Variants in DDI2 observed in about 807,000 individuals in gnomAD.
DDI2 encodes DDI proteasomal shuttling factor 2.
A neutral mutation model predicts 48.1 loss-of-function variants in DDI2; 5 were observed. The ratio of observed to expected loss-of-function variants is 0.10; its 90% CI spans 0.05 to 0.22. The LOEUF (loss-of-function observed/expected upper bound fraction) is 0.22, where lower values mean the gene tolerates loss of function less well. Ranked by LOEUF, DDI2 falls within the 10% of genes least tolerant of loss-of-function variation. The pLI, the probability that DDI2 is intolerant of heterozygous loss-of-function variation, is 1.00. For synonymous variants in DDI2, 205 were observed against 183.6 expected (o/e 1.12, Z -0.94); for missense variants, 285 against 506.2 (o/e 0.56, Z 4.19).
intron 1 of DDI2, among the ~76,000 whole-genome samples, chr1:15,624,421 G>C (rs1639720375): frequency 6.6e-6 from 1 of 152,096 alleles, no homozygotes; most frequent in African/African-American, 2.4e-5. Context: ...TGAATGGGAT[G>C]ATGGGAGTGA....
Position 15,667,570 on chromosome 1 carries a change from G to A in DDI2, c.*7780G>A, listed in dbSNP as rs958058557. On this transcript the variant is annotated 3_prime_UTR_variant, in exon 10 of 10. Coordinates refer to ENST00000480945, the MANE Select transcript of DDI2 (RefSeq NM_032341.5). The stretch of plus-strand genomic sequence containing the variant: ...GCAGCTGGGTGCAACTTGTGAAAAC[G>A]GGAATCTAGAGCAGAACATGTAATC... 4 of 152,236 alleles carry A rather than the reference G, an allele frequency of 2.6e-5. No individual in the cohort carries two copies. The highest frequency in any genetic ancestry group is 7.2e-5 in the African/African-American group (3 of 41,446). 9.4% of individuals were successfully genotyped at this position (152,236 alleles called of 1,614,324 possible). A position where few individuals can be genotyped will look rare whatever the true frequency, so the allele number is the denominator to read the frequency against.
chr1:15,655,387 G>A (rs2103480043), intron 8 of DDI2, among the ~76,000 whole-genome samples: 1 of 152,160 alleles, frequency 6.6e-6, no homozygotes, highest in South Asian at 2.1e-4. Context: ...GGGAGGCTGA[G>A]GTGGGGAGAT....
At chr1:15,633,964 C>T in intron 4 of DDI2, 1 of 374,320 alleles carries the variant, frequency 2.7e-6, no homozygotes, top group Non-Finnish European at 5.2e-6. Context: ...TGATTAAATC[C>T]AGGGCTTAAA....
intron 6 of DDI2, among the ~76,000 whole-genome samples, chr1:15,646,680 T>G (rs948477353): frequency 6.6e-6 from 1 of 151,498 alleles, no homozygotes; most frequent in African/African-American, 2.4e-5. Context: ...AGAGTGAAAC[T>G]CCATCTCTAA....
chr1:15,633,687 T>G, intron 4 of DDI2, 122 bp downstream of exon 4: 1 of 1,439,902 alleles, frequency 6.9e-7, no homozygotes, highest in South Asian at 1.2e-5. Context: ...GTTGAGATAG[T>G]AACCTCAGTC....
intron 8 of DDI2, among the ~76,000 whole-genome samples, chr1:15,655,412 G>A (rs1640255690): frequency 6.6e-6 from 1 of 150,620 alleles, no homozygotes; most frequent in African/African-American, 2.4e-5. Flanking sequence ...TGAACCTATG[G>A]ATTTGAGACC....
In DDI2 at chr1:15,660,225, G is replaced by A; in HGVS notation, c.*435G>A. On this transcript the variant is annotated 3_prime_UTR_variant, in exon 10 of 10. Transcript: ENST00000480945. ...AGAAATCTGCTGAAAGAAGCACCCA[G>A]GGCCTCAAATTTCATCTCCATACAA... 1 of 1,614,160 alleles carries A rather than the reference G, an allele frequency of 6.2e-7. No homozygotes were observed. The highest frequency in any genetic ancestry group is 1.1e-5 in the South Asian group (1 of 91,082).
In DDI2 at chr1:15,623,479, G is replaced by A. The variant is rs558718246; in HGVS notation, c.139-3190G>A. Among the ~76,000 whole-genome samples, 166 of 144,142 alleles carry A rather than the reference G, an allele frequency of 1.2e-3. 1 individual carries two copies. The highest frequency in any genetic ancestry group is 3.5e-3 in the African/African-American group (133 of 38,372). 94.6% of individuals were successfully genotyped at this position (144,142 alleles called of 152,430 possible). ...TACAATCATAACTCACTGCAACCTCGAACTCCTGGGCTCAGGTGATCCTCC... is the reference window on the plus strand; with the variant it reads ...TACAATCATAACTCACTGCAACCTCAAACTCCTGGGCTCAGGTGATCCTCC... On this transcript the variant is annotated intron_variant, in intron 1 of 9. Coordinates refer to ENST00000480945, the MANE Select transcript of DDI2 (RefSeq NM_032341.5).
In DDI2 at chr1:15,663,210, T is replaced by C. The variant is rs1373113233; in HGVS notation, c.*3420T>C. 6.6e-6 allele frequency: 1 copy of C among 152,222 alleles called. No individual in the cohort carries two copies. The highest frequency in any genetic ancestry group is 1.5e-5 in the Non-Finnish European group (1 of 68,048). 9.4% of individuals were successfully genotyped at this position (152,222 alleles called of 1,614,324 possible). ...TCGAAAGAGTGATTTCTCAACTTAG[T>C]GTTAAATGATTTTGTCTGAAGTCTG... On this transcript the variant is annotated 3_prime_UTR_variant, in exon 10 of 10. Transcript: ENST00000480945.
intron 5 of DDI2, 60 bp from the exon 6 acceptor site, chr1:15,643,462 T>C (rs1475846787): frequency 1.3e-6 from 2 of 1,594,772 alleles, no homozygotes; most frequent in Admixed American, 3.5e-5. Flanking sequence ...GTGCTATATT[T>C]TGAGTCTTCT....
rs148797056 is a variant in DDI2, at chr1:15,627,011, C to T, written c.268+213C>T. ...TTAGGTGCCATAATTAACCCCAACT[C>T]CTAAAGCTGACGTGAGGCTAATGCA... is the stretch of plus-strand genomic sequence containing the variant. On this transcript the variant is annotated intron_variant, in intron 2 of 9. Coordinates refer to ENST00000480945, the MANE Select transcript of DDI2 (RefSeq NM_032341.5). 1.3e-3 allele frequency: 760 copies of T among 593,860 alleles called. 1 individual carries two copies. The highest frequency in any genetic ancestry group is 2.0e-3 in the Non-Finnish European group (676 of 344,592). The allele number at this position is 593,860 out of a possible 1,614,324, so 36.8% of individuals were successfully genotyped here.
At position 15,633,524 on chromosome 1, in the gene DDI2, C is replaced by T; in HGVS notation, c.591C>T (p.Pro197=). The stretch of plus-strand genomic sequence containing the variant: ...GGATTCGTCTGTTTTCTGCTGATCC[C>T]TTTGACCTTGAAGCTCAGGCAAAGA... ...QERIRLFSAD[P]FDLEAQAKIE... The change falls in exon 4 of 10, where the codon CCC becomes CCT. Residue 197 remains proline (P), a synonymous_variant. Transcript: ENST00000480945. 6.2e-7 allele frequency: 1 copy of T among 1,613,718 alleles called. No homozygotes were observed. The highest frequency in any genetic ancestry group is 2.2e-5 in the East Asian group (1 of 44,858).
At position 15,630,321 on chromosome 1, in the gene DDI2, A is replaced by G. The variant is rs368388796; in HGVS notation, c.269-4A>G. On this transcript the variant is annotated splice_polypyrimidine_tract_variant and splice_region_variant and intron_variant, in intron 2 of 9. Transcript: ENST00000480945. ...GAGTAAACTGAATTGATTTTCCCCA[A>G]CAGACTTACCCCGAATAGATTTCAG... 8.7e-6 allele frequency: 14 copies of G among 1,613,704 alleles called. No homozygotes were observed. The highest frequency in any genetic ancestry group is 1.2e-5 in the Non-Finnish European group (14 of 1,179,792).
chr1:15,659,734 A>G, intron 9 of DDI2, 103 bp from the exon 10 acceptor site: 1 of 1,210,784 alleles, frequency 8.3e-7, no homozygotes, highest in Non-Finnish European at 1.1e-6. Flanking sequence ...GAGTTTGAGG[A>G]CCTTATTTTA....
chr1:15,654,951 TC>T (rs1368255134), intron 8 of DDI2, among the ~76,000 whole-genome samples: 35 of 151,396 alleles, frequency 2.3e-4, no homozygotes, highest in African/African-American at 8.0e-4. Context: ...TTTTTTTTTT[TC>T]CTTTTAACCT....
Position 15,630,396 on chromosome 1 carries a change from G to A in DDI2, c.340G>A (p.Gly114Arg). 6.2e-7 allele frequency: 1 copy of A among 1,614,200 alleles called. No individual in the cohort carries two copies. The highest frequency in any genetic ancestry group is 8.5e-7 in the Non-Finnish European group (1 of 1,180,030). Residue 114 changes from glycine (G) to arginine (R), a missense_variant, in exon 3 of 10, where the codon GGA becomes AGA. Coordinates refer to ENST00000480945, the MANE Select transcript of DDI2 (RefSeq NM_032341.5). ...TSSPRQRQPP[G>R]TQQSHSSPGE... ...AAGTCCCCGGCAGCGCCAGCCACCA[G>A]GAACACAGCAGTCCCACTCATCTCC...
At chr1:15,652,822 C>CA (rs112813737) in intron 8 of DDI2, among the ~76,000 whole-genome samples, 3 of 148,578 alleles carry the variant, frequency 2.0e-5, no homozygotes, top group Admixed American at 6.7e-5. Context: ...GACTCCATCT[C>CA]AAAAAAAAAT....
At position 15,649,548 on chromosome 1, in the gene DDI2, G is replaced by T. The variant is rs186983227; in HGVS notation, c.890-172G>T. Among the ~76,000 whole-genome samples the T allele has an allele frequency of 1.4e-3, 211 of 151,858 alleles. 4 individuals are homozygous for T. The East Asian group carries it at 0.038, about 27-fold the overall frequency. On this transcript the variant is annotated intron_variant, in intron 6 of 9. Transcript: ENST00000480945. ...TAGCCAGGCGTGGTGGCACATGCCT[G>T]TAATCCCAGCTACTTGGGAGGCTGA... is the stretch of plus-strand genomic sequence containing the variant.
chr1:15,620,433 C>G (rs760258590), intron 1 of DDI2, among the ~76,000 whole-genome samples: 27 of 152,124 alleles, frequency 1.8e-4, no homozygotes, highest in Non-Finnish European at 3.5e-4. Flanking sequence ...AGTGTCCCCC[C>G]CCATTACCTC....
Sources: allele counts gnomAD v4.1 joint callset (sites outside exome capture counted in the v4.1 genomes callset), GRCh38; gene constraint gnomAD v4.1.1; transcripts MANE v1.5; gene names NCBI Gene and HGNC (gene_info 2026-07-23, HGNC 2026-07-21).